The following MAML3 variants were observed in gnomAD, a reference collection of about 807,000 sequenced individuals.
MAML3 encodes mastermind like transcriptional coactivator 3.
Under a neutral mutation model 101.9 loss-of-function variants are expected in MAML3, and 27 were observed. That is an observed-to-expected ratio of 0.27 (90% confidence interval 0.20 to 0.37). The LOEUF (loss-of-function observed/expected upper bound fraction) is 0.37. Ranked by LOEUF, MAML3 falls within the 10% of genes least tolerant of loss-of-function variation. The pLI, the probability that MAML3 is intolerant of heterozygous loss-of-function variation, is 1.00. For missense variants in MAML3, 1,316 were observed against 1,444.9 expected (o/e 0.91, Z 1.45); for synonymous variants, 501 against 555.9 (o/e 0.90, Z 1.39).
intron 1 of MAML3, among the ~76,000 whole-genome samples, chr4:140,111,274 G>T (rs1009537403): frequency 1.3e-5 from 2 of 152,048 alleles, no homozygotes; most frequent in African/African-American, 4.8e-5. Flanking sequence ...GATCACCTTG[G>T]GCCACCTCCT....
At chr4:140,064,543 C>T (rs1237449632) in intron 1 of MAML3, among the ~76,000 whole-genome samples, 1 of 152,144 alleles carries the variant, frequency 6.6e-6, no homozygotes, top group Non-Finnish European at 1.5e-5. Context: ...ACTTCAAGAA[C>T]GAGTTTTTTG....
At chr4:139,924,654 T>A (rs937991364) in intron 1 of MAML3, among the ~76,000 whole-genome samples, 1 of 152,208 alleles carries the variant, frequency 6.6e-6, no homozygotes, top group Non-Finnish European at 1.5e-5. Context: ...GCAGATTATA[T>A]TGAATAACAA....
chr4:140,084,849 AAAAATACAAAGGTCTAGTATTT>A (rs1223293226), intron 1 of MAML3, among the ~76,000 whole-genome samples: 9 of 152,232 alleles, frequency 5.9e-5, no homozygotes, highest in African/African-American at 2.2e-4. Context: ...AAACGATGGG[AAAAATACAAAGGTCTAGTATTT>A]AAAATACTAC....
At chr4:139,892,602 C>CAA (rs58824343) in intron 1 of MAML3, among the ~76,000 whole-genome samples, 174 of 140,104 alleles carry the variant, frequency 1.2e-3, no homozygotes, top group African/African-American at 4.7e-3. Flanking sequence ...CCACATTTTC[C>CAA]AAAAAAAAAA....
intron 1 of MAML3, 22 bp downstream of exon 1, chr4:140,152,838 C>G (rs758172183): frequency 1.3e-6 from 2 of 1,599,488 alleles, no homozygotes; most frequent in African/African-American, 1.3e-5. Flanking sequence ...GCGCCGCAAG[C>G]CCGCTGCCCG....
At chr4:139,807,666 T>C (rs1423843803) in intron 2 of MAML3, among the ~76,000 whole-genome samples, 1 of 152,222 alleles carries the variant, frequency 6.6e-6, no homozygotes. Flanking sequence ...ACACTGCTTT[T>C]ACACGTGAGC....
At chr4:139,870,702 C>T (rs543782132) in intron 2 of MAML3, among the ~76,000 whole-genome samples, 3 of 152,140 alleles carry the variant, frequency 2.0e-5, no homozygotes, top group South Asian at 2.1e-4. Context: ...AGTTCAGTGG[C>T]GCAATCACAG....
chr4:140,080,104 T>G (rs962349344), intron 1 of MAML3, among the ~76,000 whole-genome samples: 1 of 152,224 alleles, frequency 6.6e-6, no homozygotes, highest in African/African-American at 2.4e-5. Flanking sequence ...AAGAAGTGCA[T>G]GTAATCACTT....
At chr4:140,127,361 G>C (rs977269176) in intron 1 of MAML3, among the ~76,000 whole-genome samples, 3 of 152,194 alleles carry the variant, frequency 2.0e-5, no homozygotes, top group African/African-American at 7.2e-5. Flanking sequence ...CCTAAGCGGT[G>C]CCATGTGGCC....
chr4:139,894,380 C>T (rs1329933121), intron 1 of MAML3, among the ~76,000 whole-genome samples: 1 of 152,028 alleles, frequency 6.6e-6, no homozygotes, highest in African/African-American at 2.4e-5. Flanking sequence ...TGGTGGCACA[C>T]ACCTGTATAG....
chr4:140,069,059 G>A (rs1727585872), intron 1 of MAML3, among the ~76,000 whole-genome samples: 2 of 152,290 alleles, frequency 1.3e-5, no homozygotes, highest in Middle Eastern at 6.8e-3. Flanking sequence ...AATACCACAA[G>A]ATGGGTAGCT....
At chr4:139,846,671 A>G (rs1731456892) in intron 2 of MAML3, among the ~76,000 whole-genome samples, 1 of 152,184 alleles carries the variant, frequency 6.6e-6, no homozygotes, top group African/African-American at 2.4e-5. Context: ...TAAAATAGCC[A>G]TTAGTTTATA....
At chr4:140,146,403 AC>A (rs1393213478) in intron 1 of MAML3, among the ~76,000 whole-genome samples, 1 of 152,134 alleles carries the variant, frequency 6.6e-6, no homozygotes, top group African/African-American at 2.4e-5. Flanking sequence ...ACTGAATGGA[AC>A]CCCATGATCT....
At chr4:139,863,150 C>CAAAAAAAAA (rs34108210) in intron 2 of MAML3, among the ~76,000 whole-genome samples, 1 of 114,144 alleles carries the variant, frequency 8.8e-6, no homozygotes, top group East Asian at 3.1e-4. Context: ...ACTCTGTCTC[C>CAAAAAAAAA]AAAAAAAAAA....
At chr4:139,784,461 C>G (rs1730272268) in intron 2 of MAML3, among the ~76,000 whole-genome samples, 1 of 152,136 alleles carries the variant, frequency 6.6e-6, no homozygotes, top group African/African-American at 2.4e-5. Flanking sequence ...GCTCCAGGCC[C>G]CTTCTTTACC....
At chr4:139,722,328 T>A (rs1304414686) in intron 4 of MAML3, among the ~76,000 whole-genome samples, 1 of 152,190 alleles carries the variant, frequency 6.6e-6, no homozygotes, top group Admixed American at 6.5e-5. Flanking sequence ...CTAAGGGAAA[T>A]AAAAGGACTT....
intron 1 of MAML3, among the ~76,000 whole-genome samples, chr4:140,028,409 GTGTC>G (rs1437860967): frequency 2.6e-5 from 4 of 152,114 alleles, no homozygotes; most frequent in Non-Finnish European, 5.9e-5. Flanking sequence ...CTTTACTCCA[GTGTC>G]TGTCTGTCTG....
At chr4:140,066,840 T>C (rs1209073247) in intron 1 of MAML3, among the ~76,000 whole-genome samples, 1 of 152,210 alleles carries the variant, frequency 6.6e-6, no homozygotes, top group Non-Finnish European at 1.5e-5. Flanking sequence ...TCTCAATTAG[T>C]ATCAGTTTGA....
chr4:139,930,446 C>A (rs983313168), intron 1 of MAML3, among the ~76,000 whole-genome samples: 1 of 152,200 alleles, frequency 6.6e-6, no homozygotes, highest in Non-Finnish European at 1.5e-5. Flanking sequence ...GGGAACTCAG[C>A]AGCTTGGAAG....
Sources: gnomAD v4.1 joint callset for allele counts (sites outside exome capture counted in the v4.1 genomes callset) on GRCh38, gnomAD v4.1.1 for gene constraint, MANE v1.5 for transcripts, NCBI Gene and HGNC (gene_info 2026-07-23, HGNC 2026-07-21) for gene names.